CCNY: variants seen among roughly 807,000 people sequenced by gnomAD.
CCNY encodes the protein cyclin Y.
Under a neutral mutation model 42.8 loss-of-function variants are expected in CCNY, and 19 were observed. The ratio of observed to expected loss-of-function variants is 0.44; its 90% CI spans 0.31 to 0.65. The LOEUF (loss-of-function observed/expected upper bound fraction) is 0.65, where lower values mean the gene tolerates loss of function less well. Among genes scored for constraint, CCNY ranks in the 30% least tolerant of loss-of-function variants. CCNY has a pLI of 0.07. For synonymous variants in CCNY, 165 were observed against 162.7 expected, an observed-to-expected ratio of 1.01 and a Z score of -0.11; for missense variants, 370 against 437.3, an observed-to-expected ratio of 0.85 and a Z score of 1.37.
At chr10:35,494,598 C>T (rs926276421) in intron 2 of CCNY, among the ~76,000 whole-genome samples, 3 of 152,140 alleles carry the variant, frequency 2.0e-5, no homozygotes, top group Admixed American at 1.3e-4. Flanking sequence ...AATGAAAACT[C>T]ATGTCCAAAT....
intron 1 of CCNY, among the ~76,000 whole-genome samples, chr10:35,405,775 G>T (rs1014428229): frequency 1.5e-4 from 23 of 152,218 alleles, no homozygotes; most frequent in Non-Finnish European, 2.8e-4. Context: ...GGCAGTGTCA[G>T]TCTTCAGCCA....
intron 2 of CCNY, among the ~76,000 whole-genome samples, chr10:35,498,330 A>G (rs752633877): frequency 1.3e-5 from 2 of 152,204 alleles, no homozygotes; most frequent in Non-Finnish European, 2.9e-5. Context: ...GCTTAGGCAC[A>G]GTGAGCCACT....
At position 35,424,571 on chromosome 10, in the gene CCNY, T is replaced by C. The variant is rs538724841; in HGVS notation, c.155-58833T>C. Reference sequence around the variant, plus strand: ...GTAAACACCCCCCTGCATTTCTGCATTGCCTTGGGGCTTACAGAGTATTTT... The same window carrying C: ...GTAAACACCCCCCTGCATTTCTGCACTGCCTTGGGGCTTACAGAGTATTTT... On this transcript the variant is annotated intron_variant, in intron 1 of 9. Coordinates refer to ENST00000374704, the MANE Select transcript of CCNY (RefSeq NM_145012.6). Among the ~76,000 whole-genome samples the C allele has an allele frequency of 2.6e-5, 4 of 152,350 alleles. No homozygotes were observed. In the East Asian group the frequency reaches 7.7e-4, roughly 29 times the overall value.
At chr10:35,517,042 G>A (rs1183073379) in intron 4 of CCNY, among the ~76,000 whole-genome samples, 1 of 152,074 alleles carries the variant, frequency 6.6e-6, no homozygotes, top group East Asian at 1.9e-4. Context: ...CCCAGTTGGA[G>A]ACCCGGGGCT....
rs773391702 is a variant in CCNY, at chr10:35,569,183, G to T, written c.*13G>T. ...CATCATCTCTTAACTACGGAGGCCCGCCGGAGGCCACACCATCCCTTAGTT... is the reference window on the plus strand; with the variant it reads ...CATCATCTCTTAACTACGGAGGCCCTCCGGAGGCCACACCATCCCTTAGTT... On this transcript the variant is annotated 3_prime_UTR_variant, in exon 10 of 10. Transcript: ENST00000374704. 2.1e-6 allele frequency: 3 copies of T among 1,440,914 alleles called. No individual in the cohort carries two copies. The highest frequency in any genetic ancestry group is 4.5e-5 in the East Asian group (2 of 44,006). The allele number at this position is 1,440,914 out of a possible 1,614,324, so 89.3% of individuals were successfully genotyped here. A position where few individuals can be genotyped will look rare whatever the true frequency, so the allele number is the denominator to read the frequency against.
At chr10:35,529,889 C>T in intron 5 of CCNY, 84 bp from the exon 6 acceptor site, 9 of 1,245,708 alleles carry the variant, frequency 7.2e-6, no homozygotes, top group South Asian at 1.3e-5. Flanking sequence ...AAAAAAAAGT[C>T]ATTGAATTAA....
intron 3 of CCNY, among the ~76,000 whole-genome samples, chr10:35,503,436 C>T (rs1019744319): frequency 2.0e-5 from 3 of 152,178 alleles, no homozygotes; most frequent in Admixed American, 2.0e-4. Flanking sequence ...CAAATGAGCG[C>T]CATCAGTCCT....
intron 1 of CCNY, among the ~76,000 whole-genome samples, chr10:35,247,469 C>T (rs1177054963): frequency 6.6e-6 from 1 of 152,072 alleles, no homozygotes; most frequent in Non-Finnish European, 1.5e-5. Context: ...CCTGTAGTCC[C>T]AGCTACTTGG....
At chr10:35,408,289 C>G (rs1291944022) in intron 1 of CCNY, among the ~76,000 whole-genome samples, 3 of 152,154 alleles carry the variant, frequency 2.0e-5, no homozygotes, top group African/African-American at 7.2e-5. Flanking sequence ...GTCTTCGGCA[C>G]CAAATGTCTC....
chr10:35,281,568 C>T (rs1835299520), intron 3 of CCNY, among the ~76,000 whole-genome samples: 1 of 152,020 alleles, frequency 6.6e-6, no homozygotes, highest in African/African-American at 2.4e-5. Context: ...TTCCAAAGTG[C>T]TTGGGATTAC....
chr10:35,483,869 A>G (rs889447414), intron 2 of CCNY, among the ~76,000 whole-genome samples: 13 of 152,362 alleles, frequency 8.5e-5, no homozygotes, highest in African/African-American at 2.9e-4. Flanking sequence ...AGTACCACCA[A>G]CTAGCTCTGT....
At chr10:35,262,257 C>CA (rs1184383605) in intron 3 of CCNY, among the ~76,000 whole-genome samples, 3,556 of 25,050 alleles carry the variant, frequency 0.14, 801 homozygotes, top group Non-Finnish European at 0.16. Context: ...AACTCTGTCT[C>CA]AAAAAAAAAA....
chr10:35,557,414 A>C lies in CCNY; in HGVS notation c.746+4229A>C, dbSNP rs1036273247. 5.9e-5 allele frequency among the ~76,000 whole-genome samples: 9 copies of C among 152,326 alleles called. No individual in the cohort carries two copies. The South Asian group carries it at 6.2e-4, about 11-fold the overall frequency. ...TGGATGATAATGTTCTAATTTATTA[A>C]AAACACTTTCAGGTCTGAGTTGTCA... On this transcript the variant is annotated intron_variant, in intron 8 of 9. Coordinates refer to ENST00000374704, the MANE Select transcript of CCNY (RefSeq NM_145012.6).
chr10:35,354,113 C>T (rs933693504), intron 1 of CCNY, among the ~76,000 whole-genome samples: 2 of 152,162 alleles, frequency 1.3e-5, no homozygotes, highest in Non-Finnish European at 2.9e-5. Context: ...GCTGGCTTCC[C>T]CTGGACCAAG....
chr10:35,441,395 T>C (rs1417949881), intron 1 of CCNY, among the ~76,000 whole-genome samples: 3 of 152,222 alleles, frequency 2.0e-5, no homozygotes, highest in Admixed American at 1.3e-4. Context: ...ATCTGCATTG[T>C]GTACGTTTCT....
intron 3 of CCNY, among the ~76,000 whole-genome samples, chr10:35,251,514 T>C (rs1409049385): frequency 6.6e-6 from 1 of 152,130 alleles, no homozygotes; most frequent in Non-Finnish European, 1.5e-5. Context: ...GCAGATAAGG[T>C]TTTGTTTGCT....
intron 3 of CCNY, among the ~76,000 whole-genome samples, chr10:35,304,145 G>T (rs1016977705): frequency 6.6e-6 from 1 of 152,160 alleles, no homozygotes; most frequent in Non-Finnish European, 1.5e-5. Context: ...TCCTGCACAT[G>T]GGGGAGCTCA....
chr10:35,273,635 G>T (rs1397358934), intron 3 of CCNY, among the ~76,000 whole-genome samples: 3 of 152,078 alleles, frequency 2.0e-5, no homozygotes, highest in African/African-American at 7.2e-5. Context: ...TGGTGGATTT[G>T]GCCAATGCAG....
chr10:35,529,999 A>G lies in CCNY; in HGVS notation c.428A>G (p.Asp143Gly), dbSNP rs1275855418. ...GACCCAGATGGAAGGATGCTCTTAG[A>G]TATTTTTGATGAAAATCTTCACCCT... Reference protein sequence around the residue: ...NRDPDGRMLLDIFDENLHPLS... With the variant: ...NRDPDGRMLLGIFDENLHPLS... Residue 143 changes from aspartate to glycine, a missense_variant, in exon 6 of 10, where the codon GAT becomes GGT. Physicochemically the swap from Asp to Gly is moderately conservative, Grantham distance 94 (BLOSUM62 -1). Transcript: ENST00000374704. The G allele has an allele frequency of 2.5e-6, 4 of 1,614,064 alleles. No individual in the cohort carries two copies. The highest frequency in any genetic ancestry group is 3.4e-6 in the Non-Finnish European group (4 of 1,179,934).
Sources: gnomAD v4.1 joint callset for allele counts (sites outside exome capture counted in the v4.1 genomes callset) on GRCh38, gnomAD v4.1.1 for gene constraint, MANE v1.5 for transcripts, NCBI Gene and HGNC (gene_info 2026-07-23, HGNC 2026-07-21) for gene names.